Variants in NCOR1 observed in about 807,000 individuals in gnomAD.
NCOR1 encodes nuclear receptor corepressor 1, also known as protein phosphatase 1, regulatory subunit 109.
A neutral mutation model predicts 288.1 loss-of-function variants in NCOR1; 63 were observed. The observed-to-expected ratio is 0.22, with a 90% CI of 0.18 to 0.27. The LOEUF is 0.27. Ranked by LOEUF, NCOR1 falls within the 10% of genes least tolerant of loss-of-function variation. The pLI is 1.00. For missense variants in NCOR1, 2,397 were observed against 3,019.2 expected, an observed-to-expected ratio of 0.79 and a Z score of 4.83; for synonymous variants, 1,007 against 1,065.9, an observed-to-expected ratio of 0.94 and a Z score of 1.08.
intron 18 of NCOR1, among the ~76,000 whole-genome samples, chr17:16,111,056 C>T (rs1469511121): frequency 1.3e-5 from 2 of 152,132 alleles, no homozygotes; most frequent in East Asian, 1.9e-4. Flanking sequence ...CAGGTGTGAC[C>T]TACCATGCCC....
intron 2 of NCOR1, among the ~76,000 whole-genome samples, chr17:16,193,599 G>C (rs1057021187): frequency 3.9e-5 from 6 of 151,990 alleles, no homozygotes; most frequent in African/African-American, 1.5e-4. Context: ...ATAACACTGG[G>C]GTAGGGGGAC....
At position 16,119,633 on chromosome 17, in the gene NCOR1, C is replaced by T. The variant is rs2072560770; in HGVS notation, c.1853-148G>A. ...GAAACTGCAGAAATAGGATAGTAAC[C>T]TCTCCTCCACCAAACTAGAAGAAAC... On this transcript the variant is annotated intron_variant, in intron 16 of 45. Coordinates refer to ENST00000268712, the MANE Select transcript of NCOR1 (RefSeq NM_006311.4). The T allele has an allele frequency of 6.1e-6, 3 of 488,482 alleles. No homozygotes were observed. The Admixed American group carries it at 1.1e-4, about 19-fold the overall frequency. 30.3% of individuals were successfully genotyped at this position (488,482 alleles called of 1,614,324 possible).
At position 16,210,854 on chromosome 17, in the gene NCOR1, C is replaced by T. The variant is rs145418572; in HGVS notation, c.-71+4508G>A. 7.6e-3 allele frequency among the ~76,000 whole-genome samples: 1,150 copies of T among 152,108 alleles called. 19 individuals are homozygous for T. The highest frequency in any genetic ancestry group is 0.05 in the East Asian group (257 of 5,154). ...ACGCCATTCTCCTGCCTCAGCCTCC[C>T]GAGTAGCTGGCACTACAGGTGCGTG... On this transcript the variant is annotated intron_variant, in intron 1 of 45. Transcript: ENST00000268712.
At chr17:16,091,600 T>C in intron 22 of NCOR1, 2 of 1,303,972 alleles carry the variant, frequency 1.5e-6, no homozygotes, top group Non-Finnish European at 2.0e-6. Flanking sequence ...ACTTTATTTA[T>C]AATGTCTTCC....
intron 7 of NCOR1, 82 bp downstream of exon 7, chr17:16,153,257 G>T (rs2153388507): frequency 1.0e-6 from 1 of 962,754 alleles, no homozygotes; most frequent in Non-Finnish European, 1.6e-6. Context: ...AAAATAAATG[G>T]ATCATATTCC....
chr17:16,193,218 CT>C (rs1448386464), intron 2 of NCOR1, among the ~76,000 whole-genome samples: 4 of 151,988 alleles, frequency 2.6e-5, no homozygotes, highest in African/African-American at 9.7e-5. Flanking sequence ...TATATATAAA[CT>C]AAACTGCAAA....
intron 2 of NCOR1, among the ~76,000 whole-genome samples, chr17:16,194,085 AAAAG>A (rs777119974): frequency 7.9e-5 from 12 of 152,168 alleles, no homozygotes; most frequent in Non-Finnish European, 1.2e-4. Flanking sequence ...CAATTTCTTA[AAAAG>A]AGAGAGGTCT....
At chr17:16,109,013 G>C (rs2153058552) in intron 18 of NCOR1, 101 bp from the exon 19 acceptor site, 14 of 888,150 alleles carry the variant, frequency 1.6e-5, no homozygotes, top group Admixed American at 3.2e-5. Context: ...ACACACACCA[G>C]ACAAGGAGGT....
At chr17:16,035,065 C>G in intron 44 of NCOR1, 121 bp from the exon 45 acceptor site, 1 of 891,014 alleles carries the variant, frequency 1.1e-6, no homozygotes, top group Non-Finnish European at 1.7e-6. Context: ...GAATCCAGAT[C>G]CTGGTACTCA....
chr17:16,159,413 CAAAAAAAAA>C (rs35243097), intron 5 of NCOR1, among the ~76,000 whole-genome samples: 1 of 66,296 alleles, frequency 1.5e-5, no homozygotes, highest in Non-Finnish European at 2.8e-5. Context: ...AACTCTATCT[CAAAAAAAAA>C]AAAAAAAAAA....
intron 44 of NCOR1, among the ~76,000 whole-genome samples, chr17:16,035,838 G>A (rs1033022308): frequency 2.0e-5 from 3 of 151,928 alleles, no homozygotes; most frequent in Admixed American, 6.6e-5. Flanking sequence ...CATCATACCC[G>A]GCCTCTCTTG....
At chr17:16,138,644 AT>A (rs1202589146) in intron 12 of NCOR1, among the ~76,000 whole-genome samples, 1 of 152,222 alleles carries the variant, frequency 6.6e-6, no homozygotes, top group Non-Finnish European at 1.5e-5. Context: ...CTGAGGAACA[AT>A]TGTAGAATCA....
At chr17:16,120,453 TA>T (rs1307730965) in intron 16 of NCOR1, among the ~76,000 whole-genome samples, 1 of 152,094 alleles carries the variant, frequency 6.6e-6, no homozygotes, top group Non-Finnish European at 1.5e-5. Context: ...TGCCATTCCC[TA>T]AACTGCATTT....
chr17:16,036,248 T>C (rs1301609587), intron 44 of NCOR1, among the ~76,000 whole-genome samples: 2 of 152,214 alleles, frequency 1.3e-5, no homozygotes, highest in Non-Finnish European at 1.5e-5. Context: ...ATGAGCAGTA[T>C]TGAAAATTAT....
At position 16,071,628 on chromosome 17, in the gene NCOR1, G is replaced by A. The variant is rs2061770003; in HGVS notation, c.3933C>T (p.Gly1311=). The change falls in exon 30 of 46, where the codon GGC becomes GGT. Residue 1311 remains glycine (G), a synonymous_variant. Transcript: ENST00000268712. ...TTTTAATTTGTTTGGGATATTTAAG[G>A]CCATCTTCAAAGCTTTCAGTTGTTG... ...PRATTESFED[G]LKYPKQIKRE... 6.2e-7 allele frequency: 1 copy of A among 1,613,934 alleles called. No homozygotes were observed. The highest frequency in any genetic ancestry group is 8.5e-7 in the Non-Finnish European group (1 of 1,179,958).
At chr17:16,068,243 C>A in intron 31 of NCOR1, 122 bp from the exon 32 acceptor site, 1 of 780,976 alleles carries the variant, frequency 1.3e-6, no homozygotes, top group Admixed American at 2.6e-5. Flanking sequence ...TCTTTCCACT[C>A]AACATTTAAC....
intron 21 of NCOR1, among the ~76,000 whole-genome samples, chr17:16,092,672 TATATATATATATATATATATA>T (rs1396108497): frequency 5.3e-4 from 9 of 17,072 alleles, no homozygotes; most frequent in African/African-American, 1.2e-3. Context: ...TATATATATA[TATATATATATATATATATATA>T]TATTTTTTTT....
intron 3 of NCOR1, among the ~76,000 whole-genome samples, chr17:16,172,689 A>G (rs1433532926): frequency 6.6e-6 from 1 of 152,210 alleles, no homozygotes; most frequent in Non-Finnish European, 1.5e-5. Context: ...CCTGGCCCCA[A>G]AAACATGTAT....
intron 5 of NCOR1, 84 bp downstream of exon 5, chr17:16,164,895 G>A (rs1332665780): frequency 6.0e-6 from 6 of 998,364 alleles, no homozygotes; most frequent in African/African-American, 1.7e-5. Flanking sequence ...TTTATGTAAA[G>A]TTTCAAAATA....
Sources: gnomAD v4.1 joint callset for allele counts (sites outside exome capture counted in the v4.1 genomes callset) on GRCh38, gnomAD v4.1.1 for gene constraint, MANE v1.5 for transcripts, NCBI Gene and HGNC (gene_info 2026-07-23, HGNC 2026-07-21) for gene names.